The following BMPR1A variants were observed in gnomAD, a reference collection of about 807,000 sequenced individuals.
The protein encoded by BMPR1A is bone morphogenetic protein receptor type 1A.
BMPR1A carries 7 observed loss-of-function variants against 66.0 expected under a neutral mutation model. That is an observed-to-expected ratio of 0.11 (90% CI 0.06 to 0.20). The LOEUF is 0.20. Among genes scored for constraint, BMPR1A ranks in the 10% least tolerant of loss-of-function variants. The pLI is 1.00. For missense variants in BMPR1A, 408 were observed against 669.1 expected (o/e 0.61, Z 4.31); for synonymous variants, 200 against 229.7 (o/e 0.87, Z 1.17).
intron 1 of BMPR1A, among the ~76,000 whole-genome samples, chr10:86,793,973 C>T (rs915518334): frequency 4.6e-5 from 7 of 152,132 alleles, no homozygotes; most frequent in Non-Finnish European, 4.4e-5. Context: ...TGGCTCTGAC[C>T]TCCTGTCATC....
At chr10:86,817,787 G>T (rs1842055984) in intron 1 of BMPR1A, among the ~76,000 whole-genome samples, 1 of 152,038 alleles carries the variant, frequency 6.6e-6, no homozygotes, top group Non-Finnish European at 1.5e-5. Context: ...AACATTTAAG[G>T]AAAAACTAAT....
chr10:86,864,091 C>A (rs1460906621), intron 2 of BMPR1A, among the ~76,000 whole-genome samples: 1 of 152,150 alleles, frequency 6.6e-6, no homozygotes, highest in Non-Finnish European at 1.5e-5. Context: ...AAGTATGATA[C>A]CCTTTTCAGC....
chr10:86,839,726 G>T (rs926101392), intron 2 of BMPR1A, among the ~76,000 whole-genome samples: 1 of 150,016 alleles, frequency 6.7e-6, no homozygotes, highest in Non-Finnish European at 1.5e-5. Context: ...AGGCTGGACT[G>T]CAGTGAGCAT....
chr10:86,778,232 A>G (rs1284909818), intron 1 of BMPR1A, among the ~76,000 whole-genome samples: 4 of 145,626 alleles, frequency 2.7e-5, no homozygotes, highest in Non-Finnish European at 6.1e-5. Flanking sequence ...TTTTTTTGCA[A>G]TTTTTTTTTT....
intron 2 of BMPR1A, among the ~76,000 whole-genome samples, chr10:86,857,246 C>T (rs1365417853): frequency 4.6e-5 from 7 of 152,128 alleles, no homozygotes; most frequent in Non-Finnish European, 1.0e-4. Context: ...ATCTTGTTAG[C>T]ATAATCTCCC....
chr10:86,897,894 CT>C (rs1843248936), intron 5 of BMPR1A, among the ~76,000 whole-genome samples: 1 of 152,188 alleles, frequency 6.6e-6, no homozygotes, highest in African/African-American at 2.4e-5. Flanking sequence ...GTGTGAGCCA[CT>C]GTTCCCAGTT....
At chr10:86,794,655 C>T (rs1430299811) in intron 1 of BMPR1A, among the ~76,000 whole-genome samples, 3 of 151,992 alleles carry the variant, frequency 2.0e-5, no homozygotes, top group Non-Finnish European at 4.4e-5. Context: ...TCTTTGATAC[C>T]TGCCTAGCAA....
chr10:86,864,414 C>G (rs1842753121), intron 2 of BMPR1A, among the ~76,000 whole-genome samples: 1 of 152,186 alleles, frequency 6.6e-6, no homozygotes, highest in Non-Finnish European at 1.5e-5. Flanking sequence ...CTTCCGTAGC[C>G]TGTCTAATGA....
intron 2 of BMPR1A, among the ~76,000 whole-genome samples, chr10:86,849,591 A>C (rs1379090854): frequency 6.6e-6 from 1 of 152,214 alleles, no homozygotes. Flanking sequence ...TGAATCAAAT[A>C]GGTAGTAAGT....
At chr10:86,767,364 G>A (rs181043604) in intron 1 of BMPR1A, among the ~76,000 whole-genome samples, 11 of 152,224 alleles carry the variant, frequency 7.2e-5, no homozygotes, top group Non-Finnish European at 1.3e-4. Flanking sequence ...TGGCAAAGGC[G>A]TCCAGAATAT....
intron 1 of BMPR1A, among the ~76,000 whole-genome samples, chr10:86,786,746 A>G (rs1246096910): frequency 6.6e-6 from 1 of 152,230 alleles, no homozygotes; most frequent in Non-Finnish European, 1.5e-5. Context: ...ATGCAGACTT[A>G]TGTTCCACCT....
At chr10:86,821,890 A>G (rs1265808335) in intron 1 of BMPR1A, among the ~76,000 whole-genome samples, 1 of 151,552 alleles carries the variant, frequency 6.6e-6, no homozygotes, top group African/African-American at 2.4e-5. Flanking sequence ...TGCAGTCTGG[A>G]CCTCCCAGGC....
intron 1 of BMPR1A, among the ~76,000 whole-genome samples, chr10:86,818,817 A>G (rs1332002613): frequency 6.6e-6 from 1 of 152,164 alleles, no homozygotes; most frequent in South Asian, 2.1e-4. Context: ...ATTTGACTCC[A>G]TAGAGAAATT....
chr10:86,780,701 G>A (rs1411214176), intron 1 of BMPR1A, among the ~76,000 whole-genome samples: 1 of 152,194 alleles, frequency 6.6e-6, no homozygotes, highest in Admixed American at 6.5e-5. Flanking sequence ...CCAAAGTGCT[G>A]GGATTACAGG....
intron 2 of BMPR1A, among the ~76,000 whole-genome samples, chr10:86,870,395 T>G (rs1842840692): frequency 6.6e-6 from 1 of 152,158 alleles, no homozygotes; most frequent in African/African-American, 2.4e-5. Flanking sequence ...TTACCCTACA[T>G]TTAATCCATT....
chr10:86,899,911 C>G (rs765940263), intron 6 of BMPR1A, 21 bp downstream of exon 6: 1 of 1,611,638 alleles, frequency 6.2e-7, no homozygotes, highest in Non-Finnish European at 8.5e-7. Context: ...CGAGAAAAGT[C>G]GGAGCATGCT....
At chr10:86,892,254 A>T in intron 5 of BMPR1A, 25 bp downstream of exon 5, 2 of 1,576,970 alleles carry the variant, frequency 1.3e-6, no homozygotes, top group Non-Finnish European at 1.7e-6. Context: ...GGGACCCATG[A>T]GACAAAGAAG....
chr10:86,760,238 TTC>T, intron 1 of BMPR1A, among the ~76,000 whole-genome samples: 1 of 110,440 alleles, frequency 9.1e-6, no homozygotes. Flanking sequence ...CTTTCTTTCT[TTC>T]TTTCTTTCTT....
intron 2 of BMPR1A, among the ~76,000 whole-genome samples, chr10:86,843,691 T>C (rs1463403233): frequency 6.6e-6 from 1 of 152,162 alleles, no homozygotes; most frequent in Non-Finnish European, 1.5e-5. Flanking sequence ...GTAAAGGATA[T>C]TTCTGGAAAA....
Sources: gnomAD v4.1 joint callset for allele counts (sites outside exome capture counted in the v4.1 genomes callset) on GRCh38, gnomAD v4.1.1 for gene constraint, MANE v1.5 for transcripts, NCBI Gene and HGNC (gene_info 2026-07-23, HGNC 2026-07-21) for gene names.